ADD1: variants seen among roughly 807,000 people sequenced by gnomAD.
ADD1 encodes the protein alpha-adducin.
Under a neutral mutation model 80.5 loss-of-function variants are expected in ADD1, and 24 were observed. That is an observed-to-expected ratio of 0.30 (90% CI 0.22 to 0.42). The LOEUF (loss-of-function observed/expected upper bound fraction) is 0.42. Among genes scored for constraint, ADD1 ranks in the 10% least tolerant of loss-of-function variants. The pLI, the probability that ADD1 is intolerant of heterozygous loss-of-function variation, is 1.00. For synonymous variants in ADD1, 373 were observed against 393.8 expected (o/e 0.95, Z 0.63); for missense variants, 948 against 1,019.0 (o/e 0.93, Z 0.95).
chr4:2,860,923 G>A (rs1444799923), intron 1 of ADD1, among the ~76,000 whole-genome samples: 2 of 152,162 alleles, frequency 1.3e-5, no homozygotes, highest in Non-Finnish European at 1.5e-5. Flanking sequence ...GATAGTGATG[G>A]TAAGTACTTT....
intron 4 of ADD1, among the ~76,000 whole-genome samples, chr4:2,889,319 T>C (rs939956466): frequency 6.6e-6 from 1 of 152,204 alleles, no homozygotes; most frequent in Non-Finnish European, 1.5e-5. Context: ...ACTTCTATAC[T>C]ATACATAATC....
intron 1 of ADD1, among the ~76,000 whole-genome samples, chr4:2,872,619 G>A (rs1478251054): frequency 6.6e-6 from 1 of 152,196 alleles, no homozygotes; most frequent in Non-Finnish European, 1.5e-5. Context: ...GTGTAGTGGT[G>A]CCATCATGGC....
chr4:2,851,991 A>G (rs1470786602), intron 1 of ADD1, among the ~76,000 whole-genome samples: 1 of 151,906 alleles, frequency 6.6e-6, no homozygotes, highest in Non-Finnish European at 1.5e-5. Context: ...GGCATGCATC[A>G]CTACGCCCGG....
intron 2 of ADD1, among the ~76,000 whole-genome samples, chr4:2,879,724 A>G (rs911582483): frequency 6.6e-6 from 1 of 151,852 alleles, no homozygotes; most frequent in Non-Finnish European, 1.5e-5. Flanking sequence ...CCGAGTTCAA[A>G]TGATTCTCCT....
Position 2,894,039 on chromosome 4 carries a change from C to T in ADD1, c.537C>T (p.His179=). ...ITTRVNSEQE[H]FLIVPFGLLY... ...CCAGAGTGAACTCCGAGCAGGAACA[C>T]TTCCTCATTGTCCCTTTTGGGCTTC... is the stretch of plus-strand genomic sequence containing the variant. The change falls in exon 5 of 16, where the codon CAC becomes CAT. Residue 179 remains histidine (H), a synonymous_variant. Coordinates refer to ENST00000683351, the MANE Select transcript of ADD1 (RefSeq NM_001354761.2). 1 of 1,614,180 alleles carries T rather than the reference C, an allele frequency of 6.2e-7. No individual in the cohort carries two copies. Among genetic ancestry groups the T allele is most frequent in the Non-Finnish European group, 8.5e-7 (1 of 1,180,008 alleles).
At chr4:2,892,223 C>G (rs1734408404) in intron 4 of ADD1, among the ~76,000 whole-genome samples, 1 of 152,160 alleles carries the variant, frequency 6.6e-6, no homozygotes, top group Non-Finnish European at 1.5e-5. Flanking sequence ...ACCTTAAGTC[C>G]TTTTCAACAA....
chr4:2,908,751 C>T (rs988909288), intron 12 of ADD1, 147 bp downstream of exon 12: 9 of 697,056 alleles, frequency 1.3e-5, no homozygotes, highest in South Asian at 5.4e-5. Flanking sequence ...TGATGAGAAA[C>T]GGTTCAGGCA....
chr4:2,864,178 C>T (rs1304314143), intron 1 of ADD1, among the ~76,000 whole-genome samples: 4 of 152,012 alleles, frequency 2.6e-5, no homozygotes, highest in African/African-American at 4.8e-5. Context: ...TTTGGGAGGC[C>T]GAGGTGGGCA....
chr4:2,912,220 G>T lies in ADD1; in HGVS notation c.1792-2664G>T, dbSNP rs548915958. ...AGGGAGGTGAGGGGAGTGGCAGGAGGGGAAGCTAGGCACATCTTGGTTTCT... is the reference window on the plus strand; with the variant it reads ...AGGGAGGTGAGGGGAGTGGCAGGAGTGGAAGCTAGGCACATCTTGGTTTCT... On this transcript the variant is annotated intron_variant, in intron 13 of 15. Coordinates refer to ENST00000683351, the MANE Select transcript of ADD1 (RefSeq NM_001354761.2). Among the ~76,000 whole-genome samples the T allele has an allele frequency of 5.9e-5, 9 of 152,360 alleles. No individual in the cohort carries two copies. In the East Asian group the frequency reaches 1.5e-3, roughly 26 times the overall value.
chr4:2,924,209 GTTT>G (rs1414886450), intron 14 of ADD1, among the ~76,000 whole-genome samples: 1 of 152,238 alleles, frequency 6.6e-6, no homozygotes, highest in Admixed American at 6.5e-5. Context: ...AGCGGCTCAA[GTTT>G]GAGACCCTCA....
At position 2,904,942 on chromosome 4, in the gene ADD1, G is replaced by C. The variant is rs773996810; in HGVS notation, c.1340G>C (p.Trp447Ser). 1 of 1,614,208 alleles carries C rather than the reference G, an allele frequency of 6.2e-7. No individual in the cohort carries two copies. The highest frequency in any genetic ancestry group is 1.1e-5 in the South Asian group (1 of 91,086). Reference sequence around the variant, plus strand: ...AAGCAGCAGCGGGAGAAGACAAGATGGCTGAACTCTGGCCGGGGCGACGAA... The same window carrying C: ...AAGCAGCAGCGGGAGAAGACAAGATCGCTGAACTCTGGCCGGGGCGACGAA... ...FQKQQREKTR[W>S]LNSGRGDEAS... is the part of the protein sequence containing the mutation. The change falls in exon 10 of 16, where the codon TGG becomes TCG. Residue 447 changes from tryptophan to serine, a missense_variant. Coordinates refer to ENST00000683351, the MANE Select transcript of ADD1 (RefSeq NM_001354761.2).
At chr4:2,875,853 C>A in intron 1 of ADD1, 43 bp from the exon 2 acceptor site, 1 of 1,442,414 alleles carries the variant, frequency 6.9e-7, no homozygotes, top group Non-Finnish European at 9.4e-7. Context: ...CACTGTTAGA[C>A]ATTGATTTGA....
Position 2,884,682 on chromosome 4 carries a change from G to A in ADD1, c.510+16G>A. 3 of 1,565,952 alleles carry A rather than the reference G, an allele frequency of 1.9e-6. No individual in the cohort carries two copies. The highest frequency in any genetic ancestry group is 2.6e-6 in the Non-Finnish European group (3 of 1,149,578). On this transcript the variant is annotated intron_variant, in intron 4 of 15. Transcript: ENST00000683351. ...TCATATCACAGTGAGTATTAAATGGGCTAGTAACTGAACGATAAATGAAAT... is the reference window on the plus strand; with the variant it reads ...TCATATCACAGTGAGTATTAAATGGACTAGTAACTGAACGATAAATGAAAT...
intron 1 of ADD1, among the ~76,000 whole-genome samples, chr4:2,856,770 T>G (rs1379877627): frequency 6.6e-6 from 1 of 151,832 alleles, no homozygotes; most frequent in East Asian, 1.9e-4. Flanking sequence ...TTTGTATTTT[T>G]AATAGAGATG....
At chr4:2,883,211 C>T (rs1328272669) in intron 3 of ADD1, among the ~76,000 whole-genome samples, 1 of 152,118 alleles carries the variant, frequency 6.6e-6, no homozygotes, top group East Asian at 1.9e-4. Flanking sequence ...AGAAACTTCC[C>T]TTCAGTTCTT....
chr4:2,874,325 G>GGCTGGGGGC, intron 1 of ADD1, among the ~76,000 whole-genome samples: 1 of 152,162 alleles, frequency 6.6e-6, no homozygotes, highest in Non-Finnish European at 1.5e-5. Flanking sequence ...TCGAAGTAGT[G>GGCTGGGGGC]GCTGGGGGCG....
At chr4:2,890,907 T>C (rs1248102294) in intron 4 of ADD1, among the ~76,000 whole-genome samples, 1 of 152,180 alleles carries the variant, frequency 6.6e-6, no homozygotes, top group Admixed American at 6.5e-5. Flanking sequence ...CCAACCAGTA[T>C]ATACACAGAT....
intron 5 of ADD1, 74 bp from the exon 6 acceptor site, chr4:2,894,508 C>CAAAAA (rs898922221): frequency 3.8e-5 from 41 of 1,091,756 alleles, no homozygotes; most frequent in East Asian, 1.3e-4. Flanking sequence ...CAGACCCTAT[C>CAAAAA]AAAAAAAAAA....
chr4:2,884,736 T>C, intron 4 of ADD1, 70 bp downstream of exon 4: 1 of 1,469,244 alleles, frequency 6.8e-7, no homozygotes, highest in Non-Finnish European at 9.1e-7. Flanking sequence ...CCTCTTTCCA[T>C]TTAGGAGAAG....
Sources: gnomAD v4.1 joint callset for allele counts (sites outside exome capture counted in the v4.1 genomes callset) on GRCh38, gnomAD v4.1.1 for gene constraint, MANE v1.5 for transcripts, NCBI Gene and HGNC (gene_info 2026-07-23, HGNC 2026-07-21) for gene names.